FRMD6: variants seen among roughly 807,000 people sequenced by gnomAD.
FRMD6 encodes FERM domain containing 6, also known as FERM domain-containing protein 6.
Under a neutral mutation model 73.2 loss-of-function variants are expected in FRMD6, and 37 were observed. The ratio of observed to expected loss-of-function variants is 0.51; its 90% CI spans 0.39 to 0.66. The LOEUF is 0.66. FRMD6 is among the 30% of genes least tolerant of loss of function. FRMD6 has a pLI of 0.00. For synonymous variants in FRMD6, 273 were observed against 282.2 expected (o/e 0.97, Z 0.33); for missense variants, 714 against 780.5 (o/e 0.91, Z 1.02).
In FRMD6 at chr14:51,543,495, A is replaced by T. The variant is rs144405575; in HGVS notation, c.-209-26853A>T. Among the ~76,000 whole-genome samples, 38 of 152,138 alleles carry T rather than the reference A, an allele frequency of 2.5e-4. No homozygotes were observed. In the East Asian group the frequency reaches 5.4e-3, roughly 22 times the overall value. ...TTGGTCTAAGCATTTACTTTTATAT[A>T]ATCTGTTTGCATTTCACATTTACTT... On this transcript the variant is annotated intron_variant, in intron 1 of 14. Coordinates refer to the FRMD6 transcript ENST00000356218.
chr14:51,572,582 C>G (rs1888188275), intron 2 of FRMD6, among the ~76,000 whole-genome samples: 2 of 152,040 alleles, frequency 1.3e-5, no homozygotes, highest in African/African-American at 4.8e-5. Context: ...TAGGATTAAA[C>G]AAGTGTCCAA....
At chr14:51,440,762 C>T in the FRMD6 span, among the ~76,000 whole-genome samples, 1 of 152,196 alleles carries the variant, frequency 6.6e-6, no homozygotes, top group Admixed American at 6.5e-5. Flanking sequence ...TACAACGTGT[C>T]AAGCACTGTG....
In FRMD6 at chr14:51,715,434, G is replaced by C. The variant is rs751869561; in HGVS notation, c.959G>C (p.Ser320Thr). 6.2e-7 allele frequency: 1 copy of C among 1,613,912 alleles called. No homozygotes were observed. The highest frequency in any genetic ancestry group is 1.1e-5 in the South Asian group (1 of 91,002). Residue 320 changes from serine to threonine, a missense_variant, in exon 10 of 14, where the codon AGC becomes ACC. By Grantham distance (58) the Ser-to-Thr change is moderately conservative (BLOSUM62 1). Transcript: ENST00000344768. ...SRHLLQLLSN[S>T]HRLYMNLQPV... ...CACCTCCTGCAACTTCTGAGCAACA[G>C]CCACCGCCTCTATATGAATCTGCAG...
At chr14:51,716,319 G>A (rs1055545339) in intron 10 of FRMD6, among the ~76,000 whole-genome samples, 15 of 151,668 alleles carry the variant, frequency 9.9e-5, no homozygotes, top group African/African-American at 3.4e-4. Flanking sequence ...ATGCTTTGGG[G>A]TTTTGTTTAT....
the FRMD6 span, among the ~76,000 whole-genome samples, chr14:51,423,559 C>T: frequency 6.6e-6 from 1 of 152,272 alleles, no homozygotes; most frequent in Admixed American, 6.5e-5. Flanking sequence ...TCTGTCTTCT[C>T]CTTCTCACCC....
At chr14:51,412,815 G>C in the FRMD6 span, among the ~76,000 whole-genome samples, 1 of 151,720 alleles carries the variant, frequency 6.6e-6, no homozygotes, top group Non-Finnish European at 1.5e-5. Flanking sequence ...TCGCACCACT[G>C]CACTCCAGTC....
At chr14:51,479,198 T>C in the FRMD6 span, among the ~76,000 whole-genome samples, 1 of 152,138 alleles carries the variant, frequency 6.6e-6, no homozygotes, top group Non-Finnish European at 1.5e-5. Context: ...AAAAATCACA[T>C]AGGGCCACTT....
In FRMD6 at chr14:51,708,144, G is replaced by C. The variant is rs771036093; in HGVS notation, c.625G>C (p.Ala209Pro). 4 of 1,613,254 alleles carry C rather than the reference G, an allele frequency of 2.5e-6. No individual in the cohort carries two copies. In the African/African-American group the frequency reaches 5.3e-5, roughly 22 times the overall value. The change falls in exon 7 of 14, where the codon GCA becomes CCA. Residue 209 changes from alanine to proline, a missense_variant. Ala to Pro is a conservative substitution (Grantham distance 27). Coordinates refer to ENST00000344768, the MANE Select transcript of FRMD6 (RefSeq NM_001267046.2). ...HIPNMHKDQF[A>P]LTASEAHLKY... ...TCCAAACATGCACAAAGATCAGTTTGCACTAACAGCTTCCGAAGCTCATCT... is the reference window on the plus strand; with the variant it reads ...TCCAAACATGCACAAAGATCAGTTTCCACTAACAGCTTCCGAAGCTCATCT...
chr14:51,547,900 A>C (rs1026978665), intron 1 of FRMD6: 1 of 152,038 alleles, frequency 6.6e-6, no homozygotes, highest in Non-Finnish European at 1.5e-5. Context: ...AAAAAAAAAA[A>C]AACTATCTTG....
At chr14:51,452,239 A>T in the FRMD6 span, among the ~76,000 whole-genome samples, 14 of 152,224 alleles carry the variant, frequency 9.2e-5, no homozygotes, top group Non-Finnish European at 4.4e-5. Context: ...CAGATGGAAG[A>T]AGAGGATGAA....
chr14:51,570,245 C>T (rs1426709453), intron 1 of FRMD6: 2 of 152,172 alleles, frequency 1.3e-5, no homozygotes, highest in Non-Finnish European at 2.9e-5. Flanking sequence ...ATTGATGTAT[C>T]TTTGGAATGG....
rs549286837 is a variant in FRMD6 at position 51,678,597 on chromosome 14, G to A, written c.-146-11094G>A. ...TGCTAGGGATTCATTCACATTTCTG[G>A]TAAGTCTAAATAGTGTATTTAACAA... On this transcript the variant is annotated intron_variant, in intron 1 of 13. Coordinates refer to ENST00000344768, the MANE Select transcript of FRMD6 (RefSeq NM_001267046.2). 5.9e-5 allele frequency among the ~76,000 whole-genome samples: 9 copies of A among 152,118 alleles called. 1 individual carries two copies. The South Asian group carries it at 1.9e-3, about 32-fold the overall frequency.
At chr14:51,706,515 G>T (rs925690803) in intron 6 of FRMD6, among the ~76,000 whole-genome samples, 1 of 152,006 alleles carries the variant, frequency 6.6e-6, no homozygotes, top group Non-Finnish European at 1.5e-5. Context: ...CCTGCACCTT[G>T]AACTTTAGGC....
chr14:51,414,261 T>C, the FRMD6 span, among the ~76,000 whole-genome samples: 2 of 152,254 alleles, frequency 1.3e-5, no homozygotes, highest in Non-Finnish European at 2.9e-5. Flanking sequence ...TGCCTAGGTT[T>C]TCTTCTGGGA....
the FRMD6 span, among the ~76,000 whole-genome samples, chr14:51,403,421 G>A: frequency 7.5e-6 from 1 of 133,900 alleles, no homozygotes; most frequent in African/African-American, 2.7e-5. Context: ...TTTTATTTGA[G>A]ACAGGGTCTC....
At chr14:51,548,436 C>T (rs1158623374) in intron 1 of FRMD6, among the ~76,000 whole-genome samples, 10 of 152,196 alleles carry the variant, frequency 6.6e-5, no homozygotes, top group Admixed American at 6.5e-5. Flanking sequence ...GGGTCTGCAG[C>T]ATGCAGTAAA....
chr14:51,525,664 C>A (rs1885211629), intron 1 of FRMD6, among the ~76,000 whole-genome samples: 2 of 152,188 alleles, frequency 1.3e-5, no homozygotes, highest in South Asian at 4.1e-4. Context: ...TCTGGTGGAA[C>A]TCCCTTTCTC....
At chr14:51,710,126 C>G (rs1208502701) in intron 7 of FRMD6, among the ~76,000 whole-genome samples, 2 of 152,126 alleles carry the variant, frequency 1.3e-5, no homozygotes, top group African/African-American at 4.8e-5. Flanking sequence ...CTGTGTAAAA[C>G]TTAATTTTCA....
At chr14:51,476,781 T>C in the FRMD6 span, among the ~76,000 whole-genome samples, 1 of 152,148 alleles carries the variant, frequency 6.6e-6, no homozygotes, top group African/African-American at 2.4e-5. Flanking sequence ...CTCTATGAGA[T>C]GGGAGTCAGG....
Sources: gnomAD v4.1 joint callset for allele counts (sites outside exome capture counted in the v4.1 genomes callset) on GRCh38, gnomAD v4.1.1 for gene constraint, MANE v1.5 for transcripts, NCBI Gene and HGNC (gene_info 2026-07-23, HGNC 2026-07-21) for gene names.